Variants in C16orf87 observed in about 807,000 individuals in gnomAD.
C16orf87 encodes UPF0547 protein C16orf87.
In C16orf87, 13 loss-of-function variants were observed where a neutral mutation model predicts 21.0. The observed-to-expected ratio is 0.62, with a 90% CI of 0.40 to 0.98. The LOEUF is 0.98. Ranked by LOEUF, C16orf87 falls within the 50% of genes least tolerant of loss-of-function variation. The pLI, the probability that C16orf87 is intolerant of heterozygous loss-of-function variation, is 0.00. For missense variants in C16orf87, 113 were observed against 180.4 expected, an observed-to-expected ratio of 0.63 and a Z score of 2.14; for synonymous variants, 49 against 60.2, an observed-to-expected ratio of 0.81 and a Z score of 0.86.
chr16:46,822,303 T>C (rs1959446168), intron 2 of C16orf87, among the ~76,000 whole-genome samples: 1 of 152,214 alleles, frequency 6.6e-6, no homozygotes, highest in South Asian at 2.1e-4. Flanking sequence ...AATACTTGAA[T>C]TAAAAAAATA....
Position 46,797,932 on chromosome 16 carries a change from C to T in C16orf87, c.*5020G>A, listed in dbSNP as rs1967658166. On this transcript the variant is annotated 3_prime_UTR_variant, in exon 4 of 4. Coordinates refer to ENST00000285697, the MANE Select transcript of C16orf87 (RefSeq NM_001001436.4). ...TAATACCAAGAAAAATCAGAATATT[C>T]TAAATTGAACACAAAATTACAACAC... 1 of 151,866 alleles carries T rather than the reference C, an allele frequency of 6.6e-6. No homozygotes were observed. The highest frequency in any genetic ancestry group is 6.6e-5 in the Admixed American group (1 of 15,250). The allele number at this position is 151,866 out of a possible 1,614,324, so 9.4% of individuals were successfully genotyped here.
chr16:46,829,636 C>CTT (rs1959767163), intron 1 of C16orf87, among the ~76,000 whole-genome samples: 1 of 152,040 alleles, frequency 6.6e-6, no homozygotes, highest in African/African-American at 2.4e-5. Flanking sequence ...ATTGCAAAGT[C>CTT]CAGTTTTGTC....
chr16:46,826,464 A>G (rs1217790287), intron 1 of C16orf87, among the ~76,000 whole-genome samples: 2 of 152,236 alleles, frequency 1.3e-5, no homozygotes, highest in Admixed American at 1.3e-4. Flanking sequence ...AGAATGCCTC[A>G]TGTTATAGAA....
At chr16:46,830,264 C>CAG (rs1253533207) in intron 1 of C16orf87, among the ~76,000 whole-genome samples, 174 of 41,150 alleles carry the variant, frequency 4.2e-3, no homozygotes, top group African/African-American at 0.011. Flanking sequence ...TAGAGAGAGA[C>CAG]AGACAGAGAG....
At position 46,796,666 on chromosome 16, in the gene C16orf87, T is replaced by C. The variant is rs1967614322; in HGVS notation, c.*6286A>G. Reference sequence around the variant, plus strand: ...TGTGAACATACATATTGAAACATCATGCTGCATACAATATATGATTTTGTT... The same window carrying C: ...TGTGAACATACATATTGAAACATCACGCTGCATACAATATATGATTTTGTT... On this transcript the variant is annotated 3_prime_UTR_variant, in exon 4 of 4. Transcript: ENST00000285697. The C allele has an allele frequency of 6.6e-6, 1 of 152,224 alleles. No individual in the cohort carries two copies. The highest frequency in any genetic ancestry group is 2.4e-5 in the African/African-American group (1 of 41,462). The allele number at this position is 152,224 out of a possible 1,614,324, so 9.4% of individuals were successfully genotyped here.
At chr16:46,809,244 G>A (rs893128189) in intron 3 of C16orf87, among the ~76,000 whole-genome samples, 1 of 150,524 alleles carries the variant, frequency 6.6e-6, no homozygotes, top group East Asian at 1.9e-4. Flanking sequence ...CCATGACCGC[G>A]CCACTGCACT....
chr16:46,825,714 C>T (rs1959589081), intron 1 of C16orf87, among the ~76,000 whole-genome samples: 2 of 152,076 alleles, frequency 1.3e-5, no homozygotes, highest in Middle Eastern at 3.4e-3. Context: ...GAGTTTGAGA[C>T]CAGCCTGACC....
At chr16:46,809,359 ATT>A (rs745558320) in intron 3 of C16orf87, among the ~76,000 whole-genome samples, 84 of 152,202 alleles carry the variant, frequency 5.5e-4, no homozygotes, top group Middle Eastern at 3.4e-3. Context: ...TTTGAACTCT[ATT>A]ATCATCAGTT....
chr16:46,805,130 A>G (rs781184963), intron 3 of C16orf87, among the ~76,000 whole-genome samples: 1 of 152,106 alleles, frequency 6.6e-6, no homozygotes, highest in Non-Finnish European at 1.5e-5. Flanking sequence ...AAAGAAACTC[A>G]ATGTCCTTCA....
intron 2 of C16orf87, among the ~76,000 whole-genome samples, chr16:46,816,589 G>C (rs1457006144): frequency 6.6e-6 from 1 of 152,076 alleles, no homozygotes; most frequent in Admixed American, 6.6e-5. Flanking sequence ...AGAAAGTAAA[G>C]AAAAATAAAG....
intron 1 of C16orf87, among the ~76,000 whole-genome samples, chr16:46,825,678 G>A (rs1297278729): frequency 2.6e-5 from 4 of 152,088 alleles, no homozygotes; most frequent in South Asian, 2.1e-4. Context: ...TTGGGAGGCC[G>A]AAGCAGGTGG....
intron 3 of C16orf87, 56 bp downstream of exon 3, chr16:46,809,547 T>C: frequency 8.1e-7 from 1 of 1,240,612 alleles, no homozygotes; most frequent in South Asian, 1.4e-5. Context: ...TACTACCTAA[T>C]TAAGATCCCA....
At chr16:46,823,645 A>C (rs1157017194) in intron 2 of C16orf87, among the ~76,000 whole-genome samples, 2 of 152,210 alleles carry the variant, frequency 1.3e-5, no homozygotes, top group African/African-American at 2.4e-5. Flanking sequence ...AGTTTAAAAA[A>C]AAAACAAAAC....
rs1421751189 is a variant in C16orf87 at position 46,802,648 on chromosome 16, A to C, written c.*304T>G. The C allele has an allele frequency of 2.0e-5, 4 of 198,176 alleles. No individual in the cohort carries two copies. Among genetic ancestry groups the C allele is most frequent in the African/African-American group, 9.3e-5 (4 of 43,076 alleles). 12.3% of individuals were successfully genotyped at this position (198,176 alleles called of 1,614,324 possible). ...TTTCATACCTACCCCATACCCCATC[A>C]CTTTTTATCCTTTAACATCCATCCA... On this transcript the variant is annotated 3_prime_UTR_variant, in exon 4 of 4. Coordinates refer to ENST00000285697, the MANE Select transcript of C16orf87 (RefSeq NM_001001436.4).
At chr16:46,811,122 A>G (rs935428172) in intron 2 of C16orf87, among the ~76,000 whole-genome samples, 21 of 152,212 alleles carry the variant, frequency 1.4e-4, no homozygotes, top group African/African-American at 5.1e-4. Flanking sequence ...TGAAGAAGGA[A>G]TGACAGAATC....
intron 3 of C16orf87, among the ~76,000 whole-genome samples, chr16:46,807,299 G>A (rs2143061757): frequency 6.6e-6 from 1 of 152,030 alleles, no homozygotes; most frequent in African/African-American, 2.4e-5. Context: ...AAAGTAGCCT[G>A]GTGTGGTGGC....
At chr16:46,809,958 G>T (rs1044390811) in intron 2 of C16orf87, among the ~76,000 whole-genome samples, 173 bp from the exon 3 acceptor site, 1 of 152,042 alleles carries the variant, frequency 6.6e-6, no homozygotes, top group Non-Finnish European at 1.5e-5. Context: ...AAGAAAAAAA[G>T]AAATTCAATA....
At chr16:46,806,225 T>C (rs1967922872) in intron 3 of C16orf87, among the ~76,000 whole-genome samples, 6 of 151,816 alleles carry the variant, frequency 4.0e-5, no homozygotes, top group South Asian at 2.1e-4. Context: ...GTTTCTTCAA[T>C]CCACAATCTT....
chr16:46,799,829 C>T lies in C16orf87; in HGVS notation c.*3123G>A, dbSNP rs1193987220. On this transcript the variant is annotated 3_prime_UTR_variant, in exon 4 of 4. Transcript: ENST00000285697. ...GCTAATTTTACTTTTTGTAGAGACG[C>T]GGTCTCATCATGTTGCCCAGGCTGG... 6.6e-6 allele frequency: 1 copy of T among 152,058 alleles called. No individual in the cohort carries two copies. Among genetic ancestry groups the T allele is most frequent in the Non-Finnish European group, 1.5e-5 (1 of 68,038 alleles). 9.4% of individuals were successfully genotyped at this position (152,058 alleles called of 1,614,324 possible).
Sources: allele counts gnomAD v4.1 joint callset (sites outside exome capture counted in the v4.1 genomes callset), GRCh38; gene constraint gnomAD v4.1.1; transcripts MANE v1.5; gene names NCBI Gene and HGNC (gene_info 2026-07-23, HGNC 2026-07-21).